The following HSPA14 variants were observed in gnomAD, a reference collection of about 807,000 sequenced individuals.
HSPA14 encodes the protein heat shock protein family A (Hsp70) member 14, also known as heat shock 70 kDa protein 14.
Under a neutral mutation model 65.5 loss-of-function variants are expected in HSPA14, and 37 were observed. The ratio of observed to expected loss-of-function variants is 0.56; its 90% CI spans 0.43 to 0.74. The LOEUF (loss-of-function observed/expected upper bound fraction) is 0.74, where lower values mean the gene tolerates loss of function less well. HSPA14 is among the 30% of genes least tolerant of loss of function. The probability of loss-of-function intolerance (pLI) is 0.00; values close to 1 mark genes in which losing one functional copy is unlikely to be tolerated. For missense variants in HSPA14, 564 were observed against 607.6 expected (o/e 0.93, Z 0.75); for synonymous variants, 203 against 214.2 (o/e 0.95, Z 0.46).
chr10:14,842,596 A>G lies in HSPA14; in HGVS notation c.221+2439A>G. On this transcript the variant is annotated intron_variant, in intron 3 of 13. Transcript: ENST00000378372. This position sits in a 1 kb window ranked among gnomAD's most constrained non-coding sequence, Gnocchi z 5.2. The stretch of plus-strand genomic sequence containing the variant: ...TGGATCAGCTTCTCCGAAATCAGAT[A>G]GTGACTGACCCAGACAACTTAATGG... 1 of 1,536,190 alleles carries G rather than the reference A, an allele frequency of 6.5e-7. No homozygotes were observed. The highest frequency in any genetic ancestry group is 2.4e-5 in the East Asian group (1 of 40,918).
intron 10 of HSPA14, among the ~76,000 whole-genome samples, chr10:14,863,190 A>G (rs1170395487): frequency 6.6e-6 from 1 of 152,152 alleles, no homozygotes; most frequent in Non-Finnish European, 1.5e-5. Context: ...TTTTTCTGCA[A>G]TAATTTATAA....
At chr10:14,845,595 AT>A in intron 3 of HSPA14, 3 of 909,226 alleles carry the variant, frequency 3.3e-6, no homozygotes, top group Non-Finnish European at 3.9e-6. Context: ...TTCTATTATT[AT>A]TATTTTTTTT....
At chr10:14,844,795 G>A (rs1441903626) in intron 3 of HSPA14, 24 of 984,892 alleles carry the variant, frequency 2.4e-5, no homozygotes, top group South Asian at 4.7e-5. Context: ...TTTAAGTTTC[G>A]GTTGCCATTG....
chr10:14,839,871 A>G (rs1833948577), intron 1 of HSPA14, 34 bp from the exon 2 acceptor site: 1 of 1,541,164 alleles, frequency 6.5e-7, no homozygotes, highest in Non-Finnish European at 9.0e-7. Context: ...GAATACGTCT[A>G]ATGAGACTAT....
intron 10 of HSPA14, among the ~76,000 whole-genome samples, chr10:14,860,455 G>A (rs944357885): frequency 2.0e-5 from 3 of 152,126 alleles, no homozygotes; most frequent in Non-Finnish European, 2.9e-5. Flanking sequence ...GCAGGATAAG[G>A]GCCTAGCTAG....
chr10:14,858,219 G>A (rs184918667), intron 10 of HSPA14, among the ~76,000 whole-genome samples: 26 of 152,308 alleles, frequency 1.7e-4, no homozygotes, highest in African/African-American at 6.3e-4. Context: ...GGCACAGCCT[G>A]TTGCATATCG....
intron 6 of HSPA14, among the ~76,000 whole-genome samples, chr10:14,850,233 C>T (rs1478459155): frequency 6.6e-6 from 1 of 150,890 alleles, no homozygotes; most frequent in Non-Finnish European, 1.5e-5. Context: ...AGTCGCGCCA[C>T]TCCACTCCAG....
intron 10 of HSPA14, among the ~76,000 whole-genome samples, chr10:14,859,451 G>C (rs1160320800): frequency 2.6e-5 from 4 of 152,192 alleles, no homozygotes; most frequent in African/African-American, 4.8e-5. Flanking sequence ...TCAAACTCAA[G>C]ATTTCTCTTC....
intron 3 of HSPA14, chr10:14,844,347 A>G: frequency 9.7e-7 from 1 of 1,033,374 alleles, no homozygotes; most frequent in Non-Finnish European, 1.2e-6. Flanking sequence ...GGCTGAGGTA[A>G]GGCAGATTGG....
chr10:14,857,919 C>T (rs926288254), intron 10 of HSPA14, among the ~76,000 whole-genome samples: 20 of 148,770 alleles, frequency 1.3e-4, no homozygotes, highest in African/African-American at 4.8e-4. Flanking sequence ...TTTTTTAACA[C>T]TTACAGTGTG....
In HSPA14 at chr10:14,869,106, A is replaced by G. The variant is rs575216411; in HGVS notation, c.1380+1197A>G. Among the ~76,000 whole-genome samples, 78 of 152,228 alleles carry G rather than the reference A, an allele frequency of 5.1e-4. 1 individual carries two copies. Among genetic ancestry groups the G allele is most frequent in the African/African-American group, 1.8e-3 (73 of 41,526 alleles). On this transcript the variant is annotated intron_variant, in intron 12 of 13. Coordinates refer to ENST00000378372, the MANE Select transcript of HSPA14 (RefSeq NM_016299.4). Reference sequence around the variant, plus strand: ...CATGATCCGCCTGCCTTGGCCTCCCAAAGCAGTATTGTTTTTTAAAAAATA... The same window carrying G: ...CATGATCCGCCTGCCTTGGCCTCCCGAAGCAGTATTGTTTTTTAAAAAATA...
At chr10:14,855,817 CTG>C (rs778083393) in intron 9 of HSPA14, 22 bp from the exon 10 acceptor site, 92 of 1,159,982 alleles carry the variant, frequency 7.9e-5, no homozygotes, top group South Asian at 1.3e-4. Context: ...CTGTGTGTTT[CTG>C]TGTGTGTGTA....
At chr10:14,838,902 G>A (rs1161586197) in intron 1 of HSPA14, among the ~76,000 whole-genome samples, 2 of 152,308 alleles carry the variant, frequency 1.3e-5, no homozygotes, top group East Asian at 3.9e-4. Context: ...AGGGCCTCAG[G>A]ATTCCCGCGG....
intron 5 of HSPA14, chr10:14,849,481 G>A (rs1000672799): frequency 3.3e-6 from 2 of 607,868 alleles, no homozygotes; most frequent in African/African-American, 1.8e-5. Flanking sequence ...GGTTGATACT[G>A]AAGCCTAAGA....
intron 10 of HSPA14, among the ~76,000 whole-genome samples, chr10:14,865,663 G>A (rs1832800410): frequency 6.6e-6 from 1 of 152,112 alleles, no homozygotes; most frequent in Non-Finnish European, 1.5e-5. Context: ...TGAGGGCTCT[G>A]TTCTGTTCCA....
intron 3 of HSPA14, chr10:14,846,475 T>C (rs973631196): frequency 5.1e-6 from 5 of 985,122 alleles, no homozygotes; most frequent in Middle Eastern, 5.2e-4. Context: ...CACAGAAAAA[T>C]AGGCTAAAAA....
intron 10 of HSPA14, among the ~76,000 whole-genome samples, 163 bp downstream of exon 10, chr10:14,856,106 G>A (rs1195792972): frequency 6.6e-6 from 1 of 152,102 alleles, no homozygotes; most frequent in Non-Finnish European, 1.5e-5. Flanking sequence ...TAATGGCTCT[G>A]GTGAACTCAT....
At chr10:14,839,244 A>G (rs1588803482) in intron 1 of HSPA14, among the ~76,000 whole-genome samples, 1 of 152,312 alleles carries the variant, frequency 6.6e-6, no homozygotes, top group Non-Finnish European at 1.5e-5. Flanking sequence ...TTGTTAGGAA[A>G]AGCCAAAGGG....
Position 14,839,992 on chromosome 10 carries a change from G to A in HSPA14, c.138+7G>A, listed in dbSNP as rs770236053. ...TTACTCAGAAAATGAAGAGGTACTA[G>A]TCCCCCCATTTTTGTACTTCTGAAA... On this transcript the variant is annotated splice_region_variant and intron_variant, in intron 2 of 13. Transcript: ENST00000378372. 1 of 1,600,364 alleles carries A rather than the reference G, an allele frequency of 6.2e-7. No individual in the cohort carries two copies. The highest frequency in any genetic ancestry group is 1.1e-5 in the South Asian group (1 of 89,824).
Sources: allele counts gnomAD v4.1 joint callset (sites outside exome capture counted in the v4.1 genomes callset), GRCh38; gene constraint gnomAD v4.1.1; non-coding constraint Gnocchi (gnomAD v3.1); transcripts MANE v1.5; gene names NCBI Gene and HGNC (gene_info 2026-07-23, HGNC 2026-07-21).